STX17: variants seen among roughly 807,000 people sequenced by gnomAD.
STX17 encodes the protein syntaxin 17.
A neutral mutation model predicts 35.9 loss-of-function variants in STX17; 29 were observed. That is an observed-to-expected ratio of 0.81 (90% CI 0.60 to 1.10). The LOEUF (loss-of-function observed/expected upper bound fraction) is 1.10. Ranked by LOEUF, STX17 falls within the 50% of genes least tolerant of loss-of-function variation. The probability of loss-of-function intolerance (pLI) is 0.00; values close to 1 mark genes in which losing one functional copy is unlikely to be tolerated. For missense variants in STX17, 312 were observed against 352.3 expected, an observed-to-expected ratio of 0.89 and a Z score of 0.92; for synonymous variants, 92 against 118.3, an observed-to-expected ratio of 0.78 and a Z score of 1.44.
rs764667917 is a variant in STX17 at position 99,972,134 on chromosome 9, T to G, written c.*3461T>G. ...CCTCAAAGTTTTTAATGGTAGCTGA[T>G]GCAGACATAAACAGTGCTCAATTTG... On this transcript the variant is annotated 3_prime_UTR_variant, in exon 8 of 8. Transcript: ENST00000259400. Among the ~76,000 whole-genome samples the G allele has an allele frequency of 6.6e-6, 1 of 152,230 alleles. No individual in the cohort carries two copies. Among genetic ancestry groups the G allele is most frequent in the Non-Finnish European group, 1.5e-5 (1 of 68,038 alleles).
At chr9:99,951,586 C>T (rs1829598706) in intron 4 of STX17, among the ~76,000 whole-genome samples, 1 of 152,000 alleles carries the variant, frequency 6.6e-6, no homozygotes, top group African/African-American at 2.4e-5. Context: ...CTGCAAAGTA[C>T]TCTTTACTCC....
intron 3 of STX17, among the ~76,000 whole-genome samples, chr9:99,934,839 C>T (rs1245760191): frequency 6.6e-6 from 1 of 151,908 alleles, no homozygotes; most frequent in Non-Finnish European, 1.5e-5. Flanking sequence ...ACATAATTAG[C>T]CATTTTTCAG....
intron 4 of STX17, among the ~76,000 whole-genome samples, chr9:99,952,114 T>A (rs1829612798): frequency 6.6e-6 from 1 of 152,166 alleles, no homozygotes; most frequent in Non-Finnish European, 1.5e-5. Context: ...CTTGTTATAT[T>A]TTATAAATTA....
intron 4 of STX17, among the ~76,000 whole-genome samples, chr9:99,952,145 T>G (rs993414627): frequency 2.6e-5 from 4 of 152,106 alleles, no homozygotes; most frequent in African/African-American, 9.7e-5. Context: ...CCTTTAATCC[T>G]TACGGAAAAG....
At chr9:99,908,428 A>G (rs1246703219) in intron 1 of STX17, among the ~76,000 whole-genome samples, 1 of 152,158 alleles carries the variant, frequency 6.6e-6, no homozygotes, top group Non-Finnish European at 1.5e-5. Context: ...TGTAAGGATG[A>G]GCTGCCCATT....
At position 99,943,410 on chromosome 9, in the gene STX17, C is replaced by T. The variant is rs550737903; in HGVS notation, c.190-7650C>T. Among the ~76,000 whole-genome samples, 140 of 151,150 alleles carry T rather than the reference C, an allele frequency of 9.3e-4. 4 individuals carry two copies. In the South Asian group the frequency reaches 0.028, roughly 30 times the overall value. On this transcript the variant is annotated intron_variant, in intron 3 of 7. Coordinates refer to ENST00000259400, the MANE Select transcript of STX17 (RefSeq NM_017919.3). ...GCAACCTCTGCCTCCTGGGTTCAAGCGATTCTCCTGCCTCAGCCTCCCAAG... is the reference window on the plus strand; with the variant it reads ...GCAACCTCTGCCTCCTGGGTTCAAGTGATTCTCCTGCCTCAGCCTCCCAAG...
chr9:99,943,237 G>A (rs1829403395), intron 3 of STX17, among the ~76,000 whole-genome samples: 1 of 152,056 alleles, frequency 6.6e-6, no homozygotes, highest in African/African-American at 2.4e-5. Flanking sequence ...GGATTCAAGT[G>A]ATTCTCCTGC....
intron 3 of STX17, among the ~76,000 whole-genome samples, chr9:99,930,307 G>A (rs535696253): frequency 2.0e-5 from 3 of 151,006 alleles, no homozygotes; most frequent in African/African-American, 4.9e-5. Flanking sequence ...GCCCTCTGTC[G>A]CCCAGGCTGG....
rs770493914 is a variant in STX17, at chr9:99,951,235, A to G, written c.365A>G (p.Asp122Gly). ...SVEELKKQFN[D>G]EETLLQPPLT... ...GAAGAACTTAAGAAGCAATTTAATG[A>G]TGAAGAAACTTTGCTACAGCCTCCT... The change falls in exon 4 of 8, where the codon GAT (aspartate) becomes GGT (glycine). Residue 122 changes from aspartate to glycine, a missense_variant. Coordinates refer to ENST00000259400, the MANE Select transcript of STX17 (RefSeq NM_017919.3). The G allele has an allele frequency of 4.3e-6, 7 of 1,613,030 alleles. No individual in the cohort carries two copies. Among genetic ancestry groups the G allele is most frequent in the Non-Finnish European group, 5.9e-6 (7 of 1,179,174 alleles).
At chr9:99,925,583 T>C (rs539061184) in intron 2 of STX17, among the ~76,000 whole-genome samples, 8 of 152,206 alleles carry the variant, frequency 5.3e-5, no homozygotes, top group African/African-American at 1.9e-4. Context: ...TTTAAAAATA[T>C]CTTTATTTTG....
In STX17 at chr9:99,968,710, A is replaced by G; in HGVS notation, c.*37A>G. ...CAGTATTATTGGTGCCAACATGTCT[A>G]TCCTGAGGACCTTTGCTGCTGTTGG... On this transcript the variant is annotated 3_prime_UTR_variant, in exon 8 of 8. Transcript: ENST00000259400. 2.5e-6 allele frequency: 4 copies of G among 1,593,128 alleles called. No homozygotes were observed. The highest frequency in any genetic ancestry group is 1.2e-5 in the South Asian group (1 of 86,354).
chr9:99,914,843 A>G (rs968726666), intron 1 of STX17, among the ~76,000 whole-genome samples: 2 of 152,222 alleles, frequency 1.3e-5, no homozygotes, highest in Non-Finnish European at 1.5e-5. Context: ...ATTTATATAC[A>G]TACATACCTA....
chr9:99,919,240 A>G (rs1019246596), intron 2 of STX17, among the ~76,000 whole-genome samples: 2 of 152,134 alleles, frequency 1.3e-5, no homozygotes, highest in African/African-American at 2.4e-5. Flanking sequence ...ATGCACTTCC[A>G]TCTGGTTACC....
intron 2 of STX17, among the ~76,000 whole-genome samples, chr9:99,920,324 T>G (rs763724026): frequency 8.5e-5 from 13 of 152,196 alleles, no homozygotes; most frequent in Non-Finnish European, 1.6e-4. Context: ...CTTCTTCTTC[T>G]TGGTCTTGTG....
chr9:99,921,167 C>G (rs1327978229), intron 2 of STX17, among the ~76,000 whole-genome samples: 1 of 152,106 alleles, frequency 6.6e-6, no homozygotes, highest in African/African-American at 2.4e-5. Context: ...TGTTAAACTT[C>G]TAACATGCTT....
chr9:99,954,836 A>G (rs1361510051), intron 4 of STX17, among the ~76,000 whole-genome samples: 1 of 152,114 alleles, frequency 6.6e-6, no homozygotes, highest in Non-Finnish European at 1.5e-5. Context: ...ACAGATAGAA[A>G]TAACAAGTAG....
chr9:99,960,942 T>A (rs1829816050), intron 6 of STX17, among the ~76,000 whole-genome samples: 1 of 152,178 alleles, frequency 6.6e-6, no homozygotes, highest in African/African-American at 2.4e-5. Flanking sequence ...TAGACAGTAT[T>A]TGTATGAGCC....
At chr9:99,952,565 A>G (rs553312679) in intron 4 of STX17, among the ~76,000 whole-genome samples, 45 of 152,304 alleles carry the variant, frequency 3.0e-4, no homozygotes, top group African/African-American at 9.6e-4. Context: ...ATGCTGCTAT[A>G]AAGACACATG....
At chr9:99,940,964 C>G (rs750979466) in intron 3 of STX17, among the ~76,000 whole-genome samples, 2 of 152,200 alleles carry the variant, frequency 1.3e-5, no homozygotes, top group Non-Finnish European at 2.9e-5. Context: ...ATCATGGTTT[C>G]TCTCTCATGT....
Sources: allele counts gnomAD v4.1 joint callset (sites outside exome capture counted in the v4.1 genomes callset), GRCh38; gene constraint gnomAD v4.1.1; transcripts MANE v1.5; gene names NCBI Gene and HGNC (gene_info 2026-07-23, HGNC 2026-07-21).